The following PDPN variants were observed in gnomAD, a reference collection of about 807,000 sequenced individuals.
The protein encoded by PDPN is PA2.26 antigen.
A neutral mutation model predicts 23.2 loss-of-function variants in PDPN; 12 were observed. That is an observed-to-expected ratio of 0.52 (90% CI 0.33 to 0.84). The LOEUF (loss-of-function observed/expected upper bound fraction) is 0.84, where lower values mean the gene tolerates loss of function less well. Ranked by LOEUF, PDPN falls within the 40% of genes least tolerant of loss-of-function variation. The pLI, the probability that PDPN is intolerant of heterozygous loss-of-function variation, is 0.02. For missense variants in PDPN, 199 were observed against 212.2 expected (o/e 0.94, Z 0.39); for synonymous variants, 77 against 76.7 (o/e 1.00, Z -0.02).
chr1:13,588,248 A>G (rs1640233283), intron 1 of PDPN, among the ~76,000 whole-genome samples: 1 of 152,188 alleles, frequency 6.6e-6, no homozygotes, highest in South Asian at 2.1e-4. Flanking sequence ...ACCCTGAGCC[A>G]CTGGGGTAAC....
At chr1:13,611,736 T>C (rs1399380481) in intron 3 of PDPN, among the ~76,000 whole-genome samples, 1 of 152,188 alleles carries the variant, frequency 6.6e-6, no homozygotes, top group African/African-American at 2.4e-5. Flanking sequence ...CATTTTATCC[T>C]GTATGTTTTA....
At position 13,617,354 on chromosome 1, in the gene PDPN, G is replaced by C. The variant is rs1570070550; in HGVS notation, c.*1443G>C. 1 of 152,220 alleles carries C rather than the reference G, an allele frequency of 6.6e-6. No individual in the cohort carries two copies. The highest frequency in any genetic ancestry group is 1.5e-5 in the Non-Finnish European group (1 of 68,026). The allele number at this position is 152,220 out of a possible 1,614,324, so 9.4% of individuals were successfully genotyped here. A position where few individuals can be genotyped will look rare whatever the true frequency, so the allele number is the denominator to read the frequency against. On this transcript the variant is annotated 3_prime_UTR_variant, in exon 6 of 6. Coordinates refer to ENST00000621990, the MANE Select transcript of PDPN (RefSeq NM_006474.5). ...GGATGTTATTTTAAACAGTGTGTCT[G>C]TGTGTTCCCAAATCCAGCTGGCCCC...
At chr1:13,592,015 G>A (rs1640360451) in intron 1 of PDPN, among the ~76,000 whole-genome samples, 1 of 152,106 alleles carries the variant, frequency 6.6e-6, no homozygotes, top group Non-Finnish European at 1.5e-5. Flanking sequence ...CATTCTAATG[G>A]GTATGAAATG....
intron 1 of PDPN, among the ~76,000 whole-genome samples, chr1:13,588,646 A>C (rs1384907740): frequency 2.7e-5 from 4 of 147,544 alleles, no homozygotes; most frequent in Non-Finnish European, 6.0e-5. Context: ...ATAACTATAT[A>C]TTATATATTT....
rs77963296 is a variant in PDPN at position 13,607,134 on chromosome 1, A to G, written c.68-39A>G. On this transcript the variant is annotated intron_variant, in intron 1 of 5. Transcript: ENST00000621990. ...CCGACAAGTTGGGTCTGCTTATGCA[A>G]TTTCCACCTTAAGCTCTGACTCAAT... The G allele has an allele frequency of 1.9e-3, 3,055 of 1,596,056 alleles. 43 individuals are homozygous for G. The African/African-American group carries it at 0.036, about 19-fold the overall frequency.
chr1:13,615,983 T>C lies in PDPN; in HGVS notation c.*72T>C. The C allele has an allele frequency of 3.5e-6, 5 of 1,439,212 alleles. No individual in the cohort carries two copies. The highest frequency in any genetic ancestry group is 4.9e-6 in the Non-Finnish European group (5 of 1,020,770). 89.2% of individuals were successfully genotyped at this position (1,439,212 alleles called of 1,614,324 possible). On this transcript the variant is annotated 3_prime_UTR_variant, in exon 6 of 6. Coordinates refer to ENST00000621990, the MANE Select transcript of PDPN (RefSeq NM_006474.5). The stretch of plus-strand genomic sequence containing the variant: ...CGTTTCTGACTCTGTGCCCTGTCCC[T>C]GAGCTCGTGGGAGAAGATGACCCGT...
In PDPN at chr1:13,590,791, T is replaced by C. The variant is rs1570013923; in HGVS notation, c.67+6691T>C. 4.0e-5 allele frequency among the ~76,000 whole-genome samples: 6 copies of C among 151,170 alleles called. 1 individual carries two copies. Among genetic ancestry groups the C allele is most frequent in the Admixed American group, 4.0e-4 (6 of 15,140 alleles). On this transcript the variant is annotated intron_variant, in intron 1 of 5. Transcript: ENST00000621990. The stretch of plus-strand genomic sequence containing the variant: ...AATGGGAGTGGCCCATGAATGCTGG[T>C]TGTCAGAAGATAATGAAGAAGGAGC...
intron 5 of PDPN, chr1:13,614,822 G>C: frequency 1.9e-6 from 1 of 518,022 alleles, no homozygotes; most frequent in South Asian, 1.4e-5. Context: ...TCTTCAAAAG[G>C]ACTACATCTG....
intron 1 of PDPN, among the ~76,000 whole-genome samples, chr1:13,589,867 G>A (rs535081559): frequency 3.9e-5 from 6 of 152,168 alleles, no homozygotes; most frequent in Non-Finnish European, 7.4e-5. Context: ...TTGCTCTGTC[G>A]CCCAGGCTGG....
At chr1:13,595,186 G>T (rs1223540999) in intron 1 of PDPN, among the ~76,000 whole-genome samples, 1 of 152,166 alleles carries the variant, frequency 6.6e-6, no homozygotes, top group Non-Finnish European at 1.5e-5. Flanking sequence ...TAAAAGGGGA[G>T]AGAGGATAGA....
chr1:13,584,599 G>T lies in PDPN; in HGVS notation c.67+499G>T, dbSNP rs191331027. Among the ~76,000 whole-genome samples, 86 of 152,352 alleles carry T rather than the reference G, an allele frequency of 5.6e-4. No homozygotes were observed. The East Asian group carries it at 7.9e-3, about 14-fold the overall frequency. The stretch of plus-strand genomic sequence containing the variant: ...CCCCCTTGGGACTACCTAGTCTGGC[G>T]CCCTGCCTGTTGGACACACTCAGCA... On this transcript the variant is annotated intron_variant, in intron 1 of 5. Transcript: ENST00000621990.
intron 1 of PDPN, among the ~76,000 whole-genome samples, chr1:13,604,092 T>G (rs1235255743): frequency 6.6e-6 from 1 of 152,158 alleles, no homozygotes; most frequent in African/African-American, 2.4e-5. Context: ...GATGGCAAAT[T>G]CGTCACTCTA....
At chr1:13,609,862 C>T (rs1417041316) in intron 2 of PDPN, among the ~76,000 whole-genome samples, 6 of 151,742 alleles carry the variant, frequency 4.0e-5, no homozygotes, top group Non-Finnish European at 7.4e-5. Flanking sequence ...GTCGGGAGTT[C>T]GAGGCCAGCC....
At position 13,595,914 on chromosome 1, in the gene PDPN, C is replaced by A. The variant is rs1262279621; in HGVS notation, c.68-11259C>A. The A allele has an allele frequency of 2.0e-5, 25 of 1,280,510 alleles. No individual in the cohort carries two copies. The South Asian group carries it at 3.0e-4, about 15-fold the overall frequency. The allele number at this position is 1,280,510 out of a possible 1,614,324, so 79.3% of individuals were successfully genotyped here. A position where few individuals can be genotyped will look rare whatever the true frequency, so the allele number is the denominator to read the frequency against. ...CAGAAGATAATTTTAAAGAAGTGTT[C>A]CGGCCGGGTGCAGTGGCTCACAACT... is the stretch of plus-strand genomic sequence containing the variant. On this transcript the variant is annotated intron_variant, in intron 1 of 5. Transcript: ENST00000621990.
intron 1 of PDPN, among the ~76,000 whole-genome samples, chr1:13,604,367 C>G (rs960870616): frequency 6.6e-6 from 1 of 152,158 alleles, no homozygotes; most frequent in South Asian, 2.1e-4. Flanking sequence ...TTGGGGATCT[C>G]TTGTTAAAGT....
chr1:13,609,599 C>T (rs999200523), intron 2 of PDPN, among the ~76,000 whole-genome samples: 4 of 152,178 alleles, frequency 2.6e-5, no homozygotes, highest in African/African-American at 4.8e-5. Flanking sequence ...CTTCCCTTCC[C>T]CCAGCCCCTG....
chr1:13,613,925 C>T (rs1189596265), intron 4 of PDPN, among the ~76,000 whole-genome samples, 200 bp downstream of exon 4: 2 of 126,762 alleles, frequency 1.6e-5, no homozygotes, highest in African/African-American at 5.9e-5. Context: ...GTATTTGAAA[C>T]TAAGCAAACC....
At chr1:13,589,837 T>C (rs1198064226) in intron 1 of PDPN, among the ~76,000 whole-genome samples, 1 of 152,206 alleles carries the variant, frequency 6.6e-6, no homozygotes, top group African/African-American at 2.4e-5. Context: ...ATTGATTGAT[T>C]GATCGATTGA....
intron 3 of PDPN, among the ~76,000 whole-genome samples, chr1:13,612,381 C>T (rs1406780951): frequency 6.6e-6 from 1 of 152,144 alleles, no homozygotes; most frequent in African/African-American, 2.4e-5. Context: ...AACAAATCCT[C>T]CACAAACTTT....
Sources: allele counts gnomAD v4.1 joint callset (sites outside exome capture counted in the v4.1 genomes callset), GRCh38; gene constraint gnomAD v4.1.1; transcripts MANE v1.5; gene names NCBI Gene and HGNC (gene_info 2026-07-23, HGNC 2026-07-21).